The following CFH variants were observed in gnomAD, a reference collection of about 807,000 sequenced individuals.
CFH encodes complement factor H.
Under a neutral mutation model 147.3 loss-of-function variants are expected in CFH, and 53 were observed. The ratio of observed to expected loss-of-function variants is 0.36; its 90% CI spans 0.29 to 0.45. CFH has a LOEUF of 0.45. CFH is among the 20% of genes least tolerant of loss of function. The pLI is 1.00. For synonymous variants in CFH, 536 were observed against 489.4 expected (o/e 1.10, Z -1.26); for missense variants, 1,380 against 1,498.0 (o/e 0.92, Z 1.30).
rs1667366688 is a variant in CFH, at chr1:196,673,841, T to A, written c.245-16T>A. 6.5e-7 allele frequency: 1 copy of A among 1,544,506 alleles called. No individual in the cohort carries two copies. The highest frequency in any genetic ancestry group is 8.9e-7 in the Non-Finnish European group (1 of 1,118,144). On this transcript the variant is annotated splice_polypyrimidine_tract_variant and intron_variant, in intron 2 of 21. Transcript: ENST00000367429. ...TGCTATTACATACTAATTCATAACTTTTTTTTTCGTTTTAGAAAGGCCCTG... is the reference window on the plus strand; with the variant it reads ...TGCTATTACATACTAATTCATAACTATTTTTTTCGTTTTAGAAAGGCCCTG...
At chr1:196,657,624 A>G (rs1268574951) in intron 1 of CFH, among the ~76,000 whole-genome samples, 1 of 152,348 alleles carries the variant, frequency 6.6e-6, no homozygotes, top group Non-Finnish European at 1.5e-5. Flanking sequence ...GTATTACTAT[A>G]GATCAGTGAG....
At chr1:196,747,041 T>C in intron 21 of CFH, 70 bp from the exon 22 acceptor site, 1 of 1,599,824 alleles carries the variant, frequency 6.3e-7, no homozygotes, top group Non-Finnish European at 8.5e-7. Context: ...ACATTCTACT[T>C]GAAAACCTGA....
At chr1:196,659,936 A>C (rs1206859759) in intron 1 of CFH, among the ~76,000 whole-genome samples, 2 of 152,218 alleles carry the variant, frequency 1.3e-5, no homozygotes, top group East Asian at 3.8e-4. Context: ...TTGTTCTTCA[A>C]TTGTGGGGAG....
At position 196,742,236 on chromosome 1, in the gene CFH, C is replaced by T. The variant is rs537793604; in HGVS notation, c.3133+185C>T. ...CTAAAAATACAAAAAAATAGTGGGG[C>T]ATGGTGACATGCATCTGAAGTCCCA... On this transcript the variant is annotated intron_variant, in intron 19 of 21. Coordinates refer to ENST00000367429, the MANE Select transcript of CFH (RefSeq NM_000186.4). 8.5e-5 allele frequency among the ~76,000 whole-genome samples: 13 copies of T among 152,078 alleles called. 1 individual carries two copies. Among genetic ancestry groups the T allele is most frequent in the African/African-American group, 3.1e-4 (13 of 41,488 alleles).
At chr1:196,730,082 T>A (rs1669247267) in intron 15 of CFH, among the ~76,000 whole-genome samples, 1 of 151,852 alleles carries the variant, frequency 6.6e-6, no homozygotes, top group Non-Finnish European at 1.5e-5. Flanking sequence ...TTTTACTTAC[T>A]TTTACTCTGA....
intron 1 of CFH, among the ~76,000 whole-genome samples, chr1:196,657,136 T>C (rs1041723983): frequency 2.6e-5 from 4 of 152,046 alleles, no homozygotes; most frequent in Non-Finnish European, 4.4e-5. Context: ...TAAATTTTTT[T>C]CTTTTCTTTT....
At chr1:196,726,324 A>G in intron 12 of CFH, 146 bp from the exon 13 acceptor site, 1 of 659,968 alleles carries the variant, frequency 1.5e-6, no homozygotes, top group Non-Finnish European at 2.6e-6. Context: ...TACAATATGA[A>G]CACCATTCTT....
intron 12 of CFH, 129 bp downstream of exon 12, chr1:196,725,426 G>A (rs1669112936): frequency 4.7e-6 from 4 of 856,080 alleles, no homozygotes; most frequent in Admixed American, 4.1e-5. Context: ...TGCCTGTGAA[G>A]GACATGTATT....
chr1:196,698,506 C>G (rs1035625034), intron 9 of CFH, among the ~76,000 whole-genome samples: 5 of 152,058 alleles, frequency 3.3e-5, no homozygotes, highest in Non-Finnish European at 5.9e-5. Flanking sequence ...CATACACGCT[C>G]CCAACACTAA....
At position 196,670,760 on chromosome 1, in the gene CFH, G is replaced by T. The variant is rs185298092; in HGVS notation, c.59-2218G>T. Among the ~76,000 whole-genome samples, 4 of 152,240 alleles carry T rather than the reference G, an allele frequency of 2.6e-5. No homozygotes were observed. In the East Asian group the frequency reaches 7.7e-4, roughly 29 times the overall value. On this transcript the variant is annotated intron_variant, in intron 1 of 21. Transcript: ENST00000367429. ...ATTTTGCCTTTATCTTTGGTTTTCA[G>T]CAGAGTATCAGTATAGGTTTTCTTG... is the stretch of plus-strand genomic sequence containing the variant.
Position 196,725,313 on chromosome 1 carries a change from A to T in CFH, c.1873+16A>T, listed in dbSNP as rs761317054. 5.6e-6 allele frequency: 9 copies of T among 1,611,916 alleles called. No individual in the cohort carries two copies. The highest frequency in any genetic ancestry group is 1.7e-4 in the Middle Eastern group (1 of 6,046). ...ATATGTAAAGGTGAATGCTTATCTT[A>T]CAATTGCTGAAATAAGAATTAGAAC... On this transcript the variant is annotated intron_variant, in intron 12 of 21. Coordinates refer to ENST00000367429, the MANE Select transcript of CFH (RefSeq NM_000186.4).
chr1:196,673,707 A>G (rs1667361566), intron 2 of CFH, 150 bp from the exon 3 acceptor site: 1 of 650,460 alleles, frequency 1.5e-6, no homozygotes, highest in Admixed American at 2.6e-5. Context: ...GTTTAAGTTC[A>G]ATTATGAAAT....
chr1:196,656,360 C>A (rs1352699375), intron 1 of CFH, among the ~76,000 whole-genome samples: 1 of 151,080 alleles, frequency 6.6e-6, no homozygotes, highest in Non-Finnish European at 1.5e-5. Flanking sequence ...AAGCAATATT[C>A]TTTCAGAAAC....
chr1:196,745,832 G>A lies in CFH; in HGVS notation c.3326G>A (p.Cys1109Tyr). The change falls in exon 21 of 22, where the codon TGT becomes TAT. Residue 1109 changes from cysteine to tyrosine, a missense_variant. Transcript: ENST00000367429. ...TGTTTTTTAGATTCTACAGGAAAAT[G>A]TGGGCCCCCTCCACCTATTGACAAT... ...PPQCKDSTGK[C>Y]GPPPPIDNGD... 6.2e-7 allele frequency: 1 copy of A among 1,614,072 alleles called. No homozygotes were observed. Among genetic ancestry groups the A allele is most frequent in the Non-Finnish European group, 8.5e-7 (1 of 1,179,990 alleles).
chr1:196,746,967 T>C (rs1340714207), intron 21 of CFH, 144 bp from the exon 22 acceptor site: 3 of 1,393,074 alleles, frequency 2.2e-6, no homozygotes, highest in Non-Finnish European at 3.0e-6. Flanking sequence ...TTCAAATCAA[T>C]ATGATGTTTC....
chr1:196,681,250 A>G (rs1667643753), intron 6 of CFH, among the ~76,000 whole-genome samples: 1 of 151,854 alleles, frequency 6.6e-6, no homozygotes, highest in Non-Finnish European at 1.5e-5. Flanking sequence ...ATGAATTCAA[A>G]ATAAGACTCT....
At chr1:196,669,862 C>T (rs567131163) in intron 1 of CFH, among the ~76,000 whole-genome samples, 313 of 152,320 alleles carry the variant, frequency 2.1e-3, no homozygotes, top group African/African-American at 7.1e-3. Context: ...CAGGTTGCAC[C>T]TTGTGCCTGG....
intron 15 of CFH, among the ~76,000 whole-genome samples, chr1:196,729,564 T>C (rs1306141741): frequency 6.6e-6 from 1 of 152,022 alleles, no homozygotes; most frequent in African/African-American, 2.4e-5. Flanking sequence ...TTTTGCGTTG[T>C]GTCCTTGTCT....
chr1:196,723,076 A>G (rs1166003269), intron 11 of CFH, among the ~76,000 whole-genome samples: 2 of 151,874 alleles, frequency 1.3e-5, no homozygotes, highest in African/African-American at 4.8e-5. Context: ...TATTTCAAAG[A>G]TTTTATTTTG....
Sources: gnomAD v4.1 joint callset for allele counts (sites outside exome capture counted in the v4.1 genomes callset) on GRCh38, gnomAD v4.1.1 for gene constraint, MANE v1.5 for transcripts, NCBI Gene and HGNC (gene_info 2026-07-23, HGNC 2026-07-21) for gene names.